CEP112: variants seen among roughly 807,000 people sequenced by gnomAD.
CEP112 encodes centrosomal protein of 112 kDa.
CEP112 carries 127 observed loss-of-function variants against 153.0 expected under a neutral mutation model. The observed-to-expected ratio is 0.83, with a 90% CI of 0.72 to 0.96. The LOEUF is 0.96. Among genes scored for constraint, CEP112 ranks in the 40% least tolerant of loss-of-function variants. The pLI is 0.00. For missense variants in CEP112, 1,089 were observed against 1,101.2 expected, an observed-to-expected ratio of 0.99 and a Z score of 0.16; for synonymous variants, 358 against 374.4, an observed-to-expected ratio of 0.96 and a Z score of 0.51.
chr17:66,046,254 G>C (rs867353974), intron 12 of CEP112, among the ~76,000 whole-genome samples: 2 of 152,062 alleles, frequency 1.3e-5, no homozygotes, highest in South Asian at 2.1e-4. Flanking sequence ...GTATTAGCCA[G>C]GATGGTCTCA....
At chr17:65,937,366 A>G (rs2144376644) in intron 18 of CEP112, among the ~76,000 whole-genome samples, 3 of 107,876 alleles carry the variant, frequency 2.8e-5, no homozygotes, top group African/African-American at 3.9e-5. Flanking sequence ...CCATCTAGGA[A>G]GTGAGGAGCG....
At chr17:66,073,313 G>A (rs2067368522) in intron 8 of CEP112, among the ~76,000 whole-genome samples, 1 of 152,208 alleles carries the variant, frequency 6.6e-6, no homozygotes, top group African/African-American at 2.4e-5. Flanking sequence ...TACAACAACT[G>A]GAGTCCATGT....
chr17:65,726,349 T>A (rs1194429819), intron 23 of CEP112, among the ~76,000 whole-genome samples: 3 of 146,822 alleles, frequency 2.0e-5, no homozygotes, highest in Non-Finnish European at 4.6e-5. Flanking sequence ...AAAAAAAAAA[T>A]TATTATTAAG....
chr17:66,151,150 T>C (rs992249463), intron 4 of CEP112, among the ~76,000 whole-genome samples: 10 of 152,330 alleles, frequency 6.6e-5, no homozygotes, highest in East Asian at 5.8e-4. Flanking sequence ...CAAAAAGCAC[T>C]GTCTTTGGCT....
intron 6 of CEP112, among the ~76,000 whole-genome samples, chr17:66,107,425 T>C (rs2068832896): frequency 6.6e-6 from 1 of 151,976 alleles, no homozygotes; most frequent in South Asian, 2.1e-4. Context: ...CTATAAGAAC[T>C]GACAAACAAA....
intron 12 of CEP112, among the ~76,000 whole-genome samples, chr17:66,044,009 T>A (rs1424124717): frequency 2.0e-5 from 3 of 152,162 alleles, no homozygotes; most frequent in Non-Finnish European, 4.4e-5. Context: ...TTAAATTCAA[T>A]CCTGCTGACA....
chr17:66,096,816 CAT>C (rs1336215663), intron 6 of CEP112, among the ~76,000 whole-genome samples, 184 bp from the exon 7 acceptor site: 2 of 152,154 alleles, frequency 1.3e-5, no homozygotes, highest in African/African-American at 4.8e-5. Context: ...AAATATAAAA[CAT>C]AAACTCCCTT....
In CEP112 at chr17:66,029,897, A is replaced by C. The variant is rs2065389640; in HGVS notation, c.1345T>G (p.Cys449Gly). 6.2e-7 allele frequency: 1 copy of C among 1,613,846 alleles called. No individual in the cohort carries two copies. The highest frequency in any genetic ancestry group is 8.5e-7 in the Non-Finnish European group (1 of 1,179,842). ...AELERCYQIT[C>G]SELQEVKARR... Reference sequence around the variant, plus strand: ...GCCTTTACTTCTTGTAATTCACTACACGTTATCTGGTAACATCTTTCAAGT... The same window carrying C: ...GCCTTTACTTCTTGTAATTCACTACCCGTTATCTGGTAACATCTTTCAAGT... The change falls in exon 13 of 27, where the codon TGT becomes GGT. Residue 449 changes from cysteine to glycine, a missense_variant. Physicochemically the swap from Cys to Gly is radical, Grantham distance 159 (BLOSUM62 -3). Coordinates refer to ENST00000535342, the MANE Select transcript of CEP112 (RefSeq NM_001199165.4).
intron 23 of CEP112, among the ~76,000 whole-genome samples, chr17:65,700,097 C>T (rs1456780980): frequency 6.9e-6 from 1 of 145,864 alleles, no homozygotes; most frequent in African/African-American, 2.5e-5. Context: ...GCTCCTCCTC[C>T]TCTTCCTCCT....
intron 20 of CEP112, among the ~76,000 whole-genome samples, chr17:65,864,759 C>T (rs924512451): frequency 2.0e-5 from 3 of 152,046 alleles, no homozygotes; most frequent in Non-Finnish European, 4.4e-5. Flanking sequence ...ATTACAAGGA[C>T]GTAAATGCCG....
chr17:66,027,945 G>T (rs371225420), intron 15 of CEP112, among the ~76,000 whole-genome samples: 5 of 147,764 alleles, frequency 3.4e-5, no homozygotes, highest in Admixed American at 7.1e-5. Flanking sequence ...GCAAAAGAGA[G>T]AGACAGAGGG....
chr17:65,712,313 G>A (rs1038411850), intron 23 of CEP112, among the ~76,000 whole-genome samples: 2 of 152,128 alleles, frequency 1.3e-5, no homozygotes, highest in Non-Finnish European at 2.9e-5. Context: ...GTAATTCATG[G>A]CTATGATATA....
chr17:65,785,397 T>A (rs2054226460), intron 21 of CEP112, among the ~76,000 whole-genome samples: 1 of 152,230 alleles, frequency 6.6e-6, no homozygotes, highest in Non-Finnish European at 1.5e-5. Flanking sequence ...GCCAAACTAT[T>A]TTCCAAAATG....
intron 24 of CEP112, among the ~76,000 whole-genome samples, chr17:65,650,624 G>A (rs1284635373): frequency 4.6e-5 from 7 of 151,494 alleles, no homozygotes; most frequent in Non-Finnish European, 7.4e-5. Flanking sequence ...GGCCAGGAGC[G>A]GTGGCTCATG....
chr17:66,138,206 T>C (rs922306209), intron 4 of CEP112, among the ~76,000 whole-genome samples: 1 of 152,122 alleles, frequency 6.6e-6, no homozygotes, highest in East Asian at 1.9e-4. Flanking sequence ...TGTAACTACC[T>C]GTGGGAAAAC....
chr17:66,050,540 T>C (rs1052041007), intron 12 of CEP112, among the ~76,000 whole-genome samples: 1 of 152,250 alleles, frequency 6.6e-6, no homozygotes, highest in African/African-American at 2.4e-5. Flanking sequence ...GGGGAGAAGA[T>C]ATAAAGATTT....
chr17:65,901,976 C>T (rs1168745591), intron 20 of CEP112, among the ~76,000 whole-genome samples, 176 bp downstream of exon 20: 1 of 60,506 alleles, frequency 1.7e-5, no homozygotes, highest in African/African-American at 8.7e-5. Context: ...CTTTATTCAT[C>T]CCAAAACGGG....
At chr17:66,053,025 TGA>T (rs1368656714) in intron 12 of CEP112, among the ~76,000 whole-genome samples, 1 of 151,954 alleles carries the variant, frequency 6.6e-6, no homozygotes, top group African/African-American at 2.4e-5. Context: ...AAGAATCGCT[TGA>T]GCCTGGGAGG....
At position 66,146,782 on chromosome 17, in the gene CEP112, G is replaced by T. The variant is rs2070937728; in HGVS notation, c.471-14019C>A. 4.6e-5 allele frequency among the ~76,000 whole-genome samples: 7 copies of T among 152,078 alleles called. No individual in the cohort carries two copies. The South Asian group carries it at 1.5e-3, about 32-fold the overall frequency. On this transcript the variant is annotated intron_variant, in intron 4 of 26. Transcript: ENST00000535342. ...AACGGTATCTGTCTTTTTGTGACTG[G>T]TTTATTCACTTAGCATAATGTCTTC...
Sources: gnomAD v4.1 joint callset for allele counts (sites outside exome capture counted in the v4.1 genomes callset) on GRCh38, gnomAD v4.1.1 for gene constraint, MANE v1.5 for transcripts, NCBI Gene and HGNC (gene_info 2026-07-23, HGNC 2026-07-21) for gene names.